Variants in RPS6KA6 observed in about 807,000 individuals in gnomAD.
The protein encoded by RPS6KA6 is ribosomal protein S6 kinase A6, also known as ribosomal protein S6 kinase alpha-6.
In RPS6KA6, 27 loss-of-function variants were observed where a neutral mutation model predicts 65.4. The ratio of observed to expected loss-of-function variants is 0.41; its 90% CI spans 0.30 to 0.57. RPS6KA6 has a LOEUF of 0.57. RPS6KA6 is among the 20% of genes least tolerant of loss of function. RPS6KA6 has a pLI of 0.24. For synonymous variants in RPS6KA6, 190 were observed against 184.2 expected (o/e 1.03, Z -0.26); for missense variants, 486 against 555.6 (o/e 0.87, Z 1.26).
chrX:84,122,244 T>G (rs1352527193), intron 8 of RPS6KA6, among the ~76,000 whole-genome samples: 1 of 110,679 alleles, frequency 9.0e-6, no homozygotes, highest in African/African-American at 3.3e-5. Context: ...GAGGGAAAGC[T>G]CAGCAACTGG....
chrX:84,152,980 T>C (rs1419064427), intron 3 of RPS6KA6, among the ~76,000 whole-genome samples: 3 of 111,621 alleles, frequency 2.7e-5, no homozygotes, highest in Non-Finnish European at 3.8e-5. Flanking sequence ...TCCAAAAGAA[T>C]GGGTGAGTTA....
chrX:84,126,746 CAGAG>C (rs894029306), intron 8 of RPS6KA6, among the ~76,000 whole-genome samples: 6 of 110,463 alleles, frequency 5.4e-5, no homozygotes, highest in South Asian at 3.8e-4. Flanking sequence ...CCTGAATGAC[CAGAG>C]AGTCAATAAA....
intron 3 of RPS6KA6, among the ~76,000 whole-genome samples, chrX:84,148,970 C>A (rs774222987): frequency 8.9e-6 from 1 of 111,809 alleles, no homozygotes; most frequent in Non-Finnish European, 1.9e-5. Context: ...ACAGTAGAAT[C>A]TCTTTCAAAA....
intron 1 of RPS6KA6, among the ~76,000 whole-genome samples, chrX:84,181,702 AC>A (rs1452338296): frequency 9.0e-6 from 1 of 110,946 alleles, no homozygotes; most frequent in Admixed American, 9.7e-5. Flanking sequence ...TCTGAGTGGA[AC>A]ACTGGCATGG....
At chrX:84,135,247 T>G in intron 6 of RPS6KA6, 37 bp from the exon 7 acceptor site, 1 of 925,764 alleles carries the variant, frequency 1.1e-6, no homozygotes, top group African/African-American at 1.9e-5. Flanking sequence ...TGATCTTTCT[T>G]TCAATATTCA....
At position 84,184,243 on chromosome X, in the gene RPS6KA6, T is replaced by C. The variant is rs761241793; in HGVS notation, c.81+3576A>G. On this transcript the variant is annotated intron_variant, in intron 1 of 21. Transcript: ENST00000262752. The stretch of plus-strand genomic sequence containing the variant: ...AATGATCAAATTTAGGAAGGGGTCT[T>C]AAGAAAAACTGCTTACGAAATGGAA... Among the ~76,000 whole-genome samples, 330 of 112,365 alleles carry C rather than the reference T, an allele frequency of 2.9e-3. 3 individuals carry two copies. The highest frequency in any genetic ancestry group is 4.8e-3 in the Non-Finnish European group (254 of 53,261).
chrX:84,075,232 A>AAAAAAAAC (rs765743910), intron 20 of RPS6KA6, among the ~76,000 whole-genome samples: 2 of 110,972 alleles, frequency 1.8e-5, no homozygotes, highest in East Asian at 5.8e-4. Flanking sequence ...ACTCCGTCGC[A>AAAAAAAAC]AAACAAACAA....
chrX:84,187,957 T>G lies in RPS6KA6; in HGVS notation c.-58A>C. ...CGCCTACCGCTGGCGCGGCCGCGCA[T>G]CCTGTCTATTGAACTGGCCCGCCGC... On this transcript the variant is annotated 5_prime_UTR_variant, in exon 1 of 22. It removes an upstream start codon present in the reference 5' UTR. Coordinates refer to ENST00000262752, the MANE Select transcript of RPS6KA6 (RefSeq NM_014496.5). 9.9e-7 allele frequency: 1 copy of G among 1,010,840 alleles called. No homozygotes were observed. Among genetic ancestry groups the G allele is most frequent in the Non-Finnish European group, 1.3e-6 (1 of 747,915 alleles). The allele number at this position is 1,010,840 out of a possible 1,213,427, so 83.3% of individuals were successfully genotyped here. A position where few individuals can be genotyped will look rare whatever the true frequency, so the allele number is the denominator to read the frequency against.
chrX:84,172,504 T>TGCAC (rs2035701627), intron 1 of RPS6KA6, among the ~76,000 whole-genome samples: 1 of 112,076 alleles, frequency 8.9e-6, no homozygotes, highest in African/African-American at 3.2e-5. Flanking sequence ...GGAACCTCTG[T>TGCAC]GCACTGTTGG....
chrX:84,119,171 C>T (rs1316096259), intron 9 of RPS6KA6, among the ~76,000 whole-genome samples: 1 of 111,523 alleles, frequency 9.0e-6, no homozygotes, highest in Non-Finnish European at 1.9e-5. Flanking sequence ...TGAAAAAGAC[C>T]AAATATTTTA....
chrX:84,154,942 A>G (rs2035390507), intron 3 of RPS6KA6, among the ~76,000 whole-genome samples: 1 of 112,206 alleles, frequency 8.9e-6, no homozygotes, highest in Non-Finnish European at 1.9e-5. Context: ...TGAGCGTTCA[A>G]TAAATGTCTT....
chrX:84,090,355 G>A (rs1461439996), intron 20 of RPS6KA6, among the ~76,000 whole-genome samples: 1 of 111,860 alleles, frequency 8.9e-6, no homozygotes, highest in Non-Finnish European at 1.9e-5. Flanking sequence ...GTATAATTTG[G>A]CATGAGGCAT....
intron 6 of RPS6KA6, among the ~76,000 whole-genome samples, chrX:84,142,196 T>C (rs1221890313): frequency 1.8e-5 from 2 of 111,434 alleles, no homozygotes; most frequent in African/African-American, 6.5e-5. Flanking sequence ...AACATTACAG[T>C]AGAAATCAAC....
chrX:84,132,712 A>G (rs1012849488), intron 8 of RPS6KA6, among the ~76,000 whole-genome samples: 3 of 107,290 alleles, frequency 2.8e-5, no homozygotes, highest in Non-Finnish European at 1.9e-5. Context: ...GCAAGGATGT[A>G]GATCTTTGGG....
intron 18 of RPS6KA6, among the ~76,000 whole-genome samples, chrX:84,101,120 TTTGA>T (rs1369037755): frequency 5.4e-5 from 6 of 111,351 alleles, no homozygotes; most frequent in African/African-American, 1.9e-4. Context: ...CTGCTTCTCC[TTTGA>T]TTGACACATC....
intron 3 of RPS6KA6, among the ~76,000 whole-genome samples, 197 bp from the exon 4 acceptor site, chrX:84,148,320 C>T (rs1168333795): frequency 3.6e-5 from 4 of 110,381 alleles, no homozygotes; most frequent in Non-Finnish European, 7.6e-5. Context: ...GATCCCCATA[C>T]ATTATACGTA....
intron 12 of RPS6KA6, among the ~76,000 whole-genome samples, chrX:84,108,718 C>A (rs1049499468): frequency 9.0e-6 from 1 of 111,579 alleles, no homozygotes; most frequent in African/African-American, 3.3e-5. Context: ...ACTGCTCAAG[C>A]CCATGTGGAA....
chrX:84,066,984 G>A (rs2033418764), intron 20 of RPS6KA6, among the ~76,000 whole-genome samples: 1 of 111,689 alleles, frequency 9.0e-6, no homozygotes, highest in Non-Finnish European at 1.9e-5. Context: ...AGGTGAACAG[G>A]GGCTGGAGTG....
chrX:84,126,795 T>A (rs755259492), intron 8 of RPS6KA6, among the ~76,000 whole-genome samples: 33 of 110,730 alleles, frequency 3.0e-4, no homozygotes, highest in African/African-American at 1.0e-3. Flanking sequence ...TTTCTTGAAA[T>A]TAATGATAAT....
Sources: allele counts gnomAD v4.1 joint callset (sites outside exome capture counted in the v4.1 genomes callset), GRCh38; gene constraint gnomAD v4.1.1; transcripts MANE v1.5; gene names NCBI Gene and HGNC (gene_info 2026-07-23, HGNC 2026-07-21).